MGMT: variants seen among roughly 807,000 people sequenced by gnomAD.
The protein encoded by MGMT is methylated-DNA--protein-cysteine methyltransferase.
MGMT carries 14 observed loss-of-function variants against 15.9 expected under a neutral mutation model. That is an observed-to-expected ratio of 0.88 (90% CI 0.58 to 1.37). The LOEUF (loss-of-function observed/expected upper bound fraction) is 1.37, where lower values mean the gene tolerates loss of function less well. Among genes scored for constraint, MGMT ranks in the 40% most tolerant of loss-of-function variants. The probability of loss-of-function intolerance (pLI) is 0.00; values close to 1 mark genes in which losing one functional copy is unlikely to be tolerated. For synonymous variants in MGMT, 130 were observed against 118.2 expected, an observed-to-expected ratio of 1.10 and a Z score of -0.65; for missense variants, 282 against 268.1, an observed-to-expected ratio of 1.05 and a Z score of -0.36.
intron 3 of MGMT, among the ~76,000 whole-genome samples, chr10:129,727,624 T>C (rs1848448393): frequency 6.6e-6 from 1 of 152,216 alleles, no homozygotes; most frequent in African/African-American, 2.4e-5. Flanking sequence ...TCCTTTCCTC[T>C]GGTGTAAAGT....
chr10:129,574,110 T>A (rs2133041257), intron 2 of MGMT, among the ~76,000 whole-genome samples: 2 of 152,368 alleles, frequency 1.3e-5, no homozygotes, highest in Middle Eastern at 6.8e-3. Flanking sequence ...CAGATGATAC[T>A]GTTATTTATG....
At chr10:129,638,180 C>T (rs1043764473) in intron 2 of MGMT, among the ~76,000 whole-genome samples, 2 of 151,998 alleles carry the variant, frequency 1.3e-5, no homozygotes, top group African/African-American at 4.8e-5. Context: ...TTCCTAGACA[C>T]ACCAATCTGT....
At chr10:129,489,908 C>G (rs927873268) in intron 1 of MGMT, among the ~76,000 whole-genome samples, 3 of 150,940 alleles carry the variant, frequency 2.0e-5, no homozygotes, top group South Asian at 2.1e-4. Context: ...CTCTGTAAAC[C>G]ATTTCTTTCT....
chr10:129,537,557 T>C (rs1182362357), intron 2 of MGMT, among the ~76,000 whole-genome samples: 1 of 152,130 alleles, frequency 6.6e-6, no homozygotes, highest in African/African-American at 2.4e-5. Flanking sequence ...AGAAATTATG[T>C]GTTGGTTTTT....
intron 2 of MGMT, among the ~76,000 whole-genome samples, chr10:129,539,215 G>A (rs896170379): frequency 5.9e-5 from 9 of 151,946 alleles, no homozygotes; most frequent in East Asian, 1.9e-4. Flanking sequence ...AAATTCTCCC[G>A]TAATTTCTTT....
chr10:129,513,723 G>A (rs976603624), intron 1 of MGMT, among the ~76,000 whole-genome samples: 7 of 152,184 alleles, frequency 4.6e-5, no homozygotes, highest in African/African-American at 1.7e-4. Flanking sequence ...TAAAACAAGG[G>A]AAGGCCATGA....
chr10:129,738,491 G>A (rs1041582757), intron 3 of MGMT, among the ~76,000 whole-genome samples: 17 of 152,230 alleles, frequency 1.1e-4, no homozygotes, highest in Non-Finnish European at 2.5e-4. Context: ...TACCTCAGAT[G>A]GAAATGCAGA....
chr10:129,625,586 G>T (rs1301582085), intron 2 of MGMT, among the ~76,000 whole-genome samples: 1 of 152,150 alleles, frequency 6.6e-6, no homozygotes, highest in Non-Finnish European at 1.5e-5. Context: ...GAAAAGAAAA[G>T]AACTTTATGA....
At chr10:129,520,859 G>C (rs1452058667) in intron 1 of MGMT, among the ~76,000 whole-genome samples, 1 of 150,792 alleles carries the variant, frequency 6.6e-6, no homozygotes, top group Non-Finnish European at 1.5e-5. Flanking sequence ...ACCCCATATG[G>C]TGCGGGTACA....
intron 3 of MGMT, among the ~76,000 whole-genome samples, chr10:129,736,241 G>T (rs984347134): frequency 1.3e-5 from 2 of 149,670 alleles, no homozygotes; most frequent in East Asian, 2.0e-4. Flanking sequence ...GAATCTGGGT[G>T]CTCCTGTATT....
intron 2 of MGMT, among the ~76,000 whole-genome samples, chr10:129,551,431 A>G (rs1846155293): frequency 6.6e-6 from 1 of 152,118 alleles, no homozygotes; most frequent in South Asian, 2.1e-4. Context: ...GGGCAGAGGG[A>G]GGGATGGAGA....
intron 3 of MGMT, among the ~76,000 whole-genome samples, chr10:129,743,628 G>C (rs1382699556): frequency 2.0e-5 from 3 of 152,190 alleles, no homozygotes; most frequent in African/African-American, 7.2e-5. Context: ...GTGTTGGTTG[G>C]GTGCACTCCT....
intron 1 of MGMT, among the ~76,000 whole-genome samples, chr10:129,476,545 A>G (rs1468112573): frequency 1.3e-5 from 2 of 151,990 alleles, no homozygotes; most frequent in Non-Finnish European, 2.9e-5. Context: ...TCCTGGGGGA[A>G]CCGCTGCCTG....
At chr10:129,711,785 C>T (rs1848236183) in intron 3 of MGMT, among the ~76,000 whole-genome samples, 1 of 152,094 alleles carries the variant, frequency 6.6e-6, no homozygotes, top group African/African-American at 2.4e-5. Flanking sequence ...AAGCCTCTCG[C>T]AAGGGTCAGC....
At chr10:129,576,870 C>G (rs1052252827) in intron 2 of MGMT, among the ~76,000 whole-genome samples, 1 of 152,190 alleles carries the variant, frequency 6.6e-6, no homozygotes, top group African/African-American at 2.4e-5. Flanking sequence ...GCAAAAATCA[C>G]AAGCATTCTT....
At chr10:129,731,493 C>G (rs1047367645) in intron 3 of MGMT, among the ~76,000 whole-genome samples, 1 of 151,684 alleles carries the variant, frequency 6.6e-6, no homozygotes, top group African/African-American at 2.4e-5. Flanking sequence ...TTCATACACC[C>G]TGCATATGCC....
intron 3 of MGMT, among the ~76,000 whole-genome samples, chr10:129,711,550 C>G (rs533990315): frequency 7.9e-5 from 12 of 152,282 alleles, no homozygotes; most frequent in African/African-American, 2.9e-4. Flanking sequence ...GCTGAGCTGT[C>G]CAGTGAAGCA....
intron 4 of MGMT, among the ~76,000 whole-genome samples, chr10:129,761,394 A>G (rs189149138): frequency 7.2e-4 from 109 of 152,326 alleles, no homozygotes; most frequent in Admixed American, 1.4e-3. Flanking sequence ...TGTAAGGACA[A>G]GCTCCACTAA....
At chr10:129,498,310 T>C (rs970754301) in intron 1 of MGMT, among the ~76,000 whole-genome samples, 4 of 152,198 alleles carry the variant, frequency 2.6e-5, no homozygotes, top group Admixed American at 2.0e-4. Flanking sequence ...ATTAATACCT[T>C]GGGGGAGATA....
Sources: gnomAD v4.1 joint callset for allele counts (sites outside exome capture counted in the v4.1 genomes callset) on GRCh38, gnomAD v4.1.1 for gene constraint, MANE v1.5 for transcripts, NCBI Gene and HGNC (gene_info 2026-07-23, HGNC 2026-07-21) for gene names.